Variants in SSH2 observed in about 807,000 individuals in gnomAD.
The protein encoded by SSH2 is protein phosphatase Slingshot homolog 2.
SSH2 carries 37 observed loss-of-function variants against 135.2 expected under a neutral mutation model. That is an observed-to-expected ratio of 0.27 (90% confidence interval 0.21 to 0.36). The LOEUF (loss-of-function observed/expected upper bound fraction) is 0.36, where lower values mean the gene tolerates loss of function less well. Ranked by LOEUF, SSH2 falls within the 10% of genes least tolerant of loss-of-function variation. The pLI, the probability that SSH2 is intolerant of heterozygous loss-of-function variation, is 1.00. For synonymous variants in SSH2, 628 were observed against 646.2 expected, an observed-to-expected ratio of 0.97 and a Z score of 0.43; for missense variants, 1,408 against 1,765.3, an observed-to-expected ratio of 0.80 and a Z score of 3.63.
intron 3 of SSH2, among the ~76,000 whole-genome samples, chr17:29,726,956 G>A (rs767620387): frequency 1.3e-5 from 2 of 152,026 alleles, no homozygotes; most frequent in East Asian, 1.9e-4. Context: ...TCTATCTACC[G>A]GCTGCCAGCC....
intron 14 of SSH2, among the ~76,000 whole-genome samples, chr17:29,637,381 A>G (rs2035955229): frequency 1.3e-5 from 2 of 152,146 alleles, no homozygotes; most frequent in East Asian, 3.8e-4. Flanking sequence ...TGAACTGTAG[A>G]TTTTAAAGAC....
intron 3 of SSH2, among the ~76,000 whole-genome samples, chr17:29,784,065 CAAAAAAAAAAA>C (rs71138857): frequency 0.012 from 96 of 8,232 alleles, no homozygotes; most frequent in Non-Finnish European, 0.02. Flanking sequence ...GACTCCGTCT[CAAAAAAAAAAA>C]AAAAAAAAAA....
chr17:29,812,267 G>GT (rs1567988926), intron 2 of SSH2, among the ~76,000 whole-genome samples: 1 of 149,168 alleles, frequency 6.7e-6, no homozygotes, highest in Non-Finnish European at 1.5e-5. Context: ...ACACAATTAT[G>GT]TTTTTTAAAA....
chr17:29,632,701 C>T lies in SSH2; in HGVS notation c.2493G>A (p.Glu831=). 6.2e-7 allele frequency: 1 copy of T among 1,614,168 alleles called. No individual in the cohort carries two copies. Among genetic ancestry groups the T allele is most frequent in the Non-Finnish European group, 8.5e-7 (1 of 1,180,038 alleles). The change falls in exon 16 of 16, where the codon GAG becomes GAA. Residue 831 remains glutamate, a synonymous_variant. Transcript: ENST00000540801. The part of the protein sequence containing the change: ...QTPENKPGHM[E]QDEDSCTAQP... ...GGGCTGTGCAGGAGTCCTCATCTTG[C>T]TCCATATGTCCAGGTTTGTTCTCTG...
chr17:29,648,041 TATC>T (rs1382431466), intron 14 of SSH2, 100 bp downstream of exon 14: 2 of 1,109,056 alleles, frequency 1.8e-6, no homozygotes, highest in African/African-American at 3.1e-5. Flanking sequence ...TTTGAAAAAA[TATC>T]ACATCCAAAT....
intron 11 of SSH2, among the ~76,000 whole-genome samples, chr17:29,660,643 A>T (rs1449871756): frequency 6.6e-6 from 1 of 151,944 alleles, no homozygotes; most frequent in African/African-American, 2.4e-5. Context: ...ATTTCCCTCA[A>T]ATTATACATG....
intron 1 of SSH2, among the ~76,000 whole-genome samples, chr17:29,871,178 C>A (rs1381232241): frequency 6.6e-6 from 1 of 151,820 alleles, no homozygotes; most frequent in Admixed American, 6.6e-5. Flanking sequence ...GGGGAGGCTG[C>A]AATTGTTTTT....
At chr17:29,825,238 T>C (rs533002608) in intron 2 of SSH2, among the ~76,000 whole-genome samples, 54 of 152,204 alleles carry the variant, frequency 3.5e-4, no homozygotes, top group Non-Finnish European at 5.1e-4. Flanking sequence ...AAGAGAAATG[T>C]TTATTTCCTT....
intron 3 of SSH2, among the ~76,000 whole-genome samples, chr17:29,751,660 T>C (rs779529912): frequency 6.6e-6 from 1 of 152,204 alleles, no homozygotes; most frequent in Non-Finnish European, 1.5e-5. Context: ...AGGTGATTTT[T>C]CATCCCCATT....
intron 5 of SSH2, among the ~76,000 whole-genome samples, chr17:29,685,001 A>C (rs2038154024): frequency 6.6e-6 from 1 of 152,228 alleles, no homozygotes; most frequent in Non-Finnish European, 1.5e-5. Flanking sequence ...ATTTATACTA[A>C]TTACCACAGT....
intron 5 of SSH2, among the ~76,000 whole-genome samples, chr17:29,687,596 A>G (rs1436406108): frequency 6.6e-6 from 1 of 152,146 alleles, no homozygotes; most frequent in Non-Finnish European, 1.5e-5. Flanking sequence ...GGCAGTACTG[A>G]CTCCTTCTCT....
chr17:29,700,024 C>T (rs1442535645), intron 4 of SSH2, among the ~76,000 whole-genome samples: 1 of 152,144 alleles, frequency 6.6e-6, no homozygotes, highest in African/African-American at 2.4e-5. Context: ...GCCACAGTTG[C>T]AACTAGGTGA....
intron 3 of SSH2, among the ~76,000 whole-genome samples, chr17:29,713,757 C>T (rs2039522636): frequency 6.6e-6 from 1 of 152,210 alleles, no homozygotes; most frequent in Non-Finnish European, 1.5e-5. Flanking sequence ...ACCAGACCTT[C>T]TCATGACACC....
In SSH2 at chr17:29,711,434, T is replaced by C. The variant is rs547133250; in HGVS notation, c.189-8372A>G. Among the ~76,000 whole-genome samples, 3 of 152,348 alleles carry C rather than the reference T, an allele frequency of 2.0e-5. No individual in the cohort carries two copies. The South Asian group carries it at 6.2e-4, about 32-fold the overall frequency. ...GAATGTTCACTTACTGATACGATCTTCTAATTCCATTTTTGCTTTAACCAT... is the reference window on the plus strand; with the variant it reads ...GAATGTTCACTTACTGATACGATCTCCTAATTCCATTTTTGCTTTAACCAT... On this transcript the variant is annotated intron_variant, in intron 3 of 15. Coordinates refer to ENST00000540801, the MANE Select transcript of SSH2 (RefSeq NM_001282129.2).
At chr17:29,650,045 A>G (rs926176365) in intron 13 of SSH2, among the ~76,000 whole-genome samples, 6 of 152,212 alleles carry the variant, frequency 3.9e-5, no homozygotes, top group South Asian at 2.1e-4. Context: ...CTCTCTAGTA[A>G]AGGAATAAAT....
At chr17:29,784,369 A>AC (rs2041914120) in intron 3 of SSH2, among the ~76,000 whole-genome samples, 1 of 141,580 alleles carries the variant, frequency 7.1e-6, no homozygotes, top group South Asian at 2.2e-4. Context: ...TGGGCGACAG[A>AC]CCAAGATTCC....
Position 29,632,134 on chromosome 17 carries a change from G to A in SSH2, c.3060C>T (p.Tyr1020=), listed in dbSNP as rs1471498319. ...GGACTGCTTGTGTTTCAGACTCCTG[G>A]TATGGAATCACAGTCCTCAGATCCT... The part of the protein sequence containing the change: ...VLKDLRTVIP[Y]QESETQAVPL... Residue 1020 remains tyrosine (Y), a synonymous_variant, in exon 16 of 16, where the codon TAC becomes TAT. Coordinates refer to ENST00000540801, the MANE Select transcript of SSH2 (RefSeq NM_001282129.2). 6.2e-7 allele frequency: 1 copy of A among 1,614,072 alleles called. No individual in the cohort carries two copies. The highest frequency in any genetic ancestry group is 2.2e-5 in the East Asian group (1 of 44,872).
chr17:29,863,093 G>C (rs886900555), intron 1 of SSH2, among the ~76,000 whole-genome samples: 1 of 151,794 alleles, frequency 6.6e-6, no homozygotes. Context: ...AAAGGACAAA[G>C]AATGTGCAAC....
Position 29,845,510 on chromosome 17 carries a change from G to A in SSH2, c.144+3339C>T, listed in dbSNP as rs984424799. Among the ~76,000 whole-genome samples the A allele has an allele frequency of 3.9e-5, 6 of 152,162 alleles. No homozygotes were observed. The South Asian group carries it at 1.2e-3, about 32-fold the overall frequency. On this transcript the variant is annotated intron_variant, in intron 2 of 15. Transcript: ENST00000540801. ...AACTTTTGCCTCTTGAGGAAAAGAC[G>A]ACAACAAATCTGACTTAAATGAATG... is the stretch of plus-strand genomic sequence containing the variant.
Sources: allele counts gnomAD v4.1 joint callset (sites outside exome capture counted in the v4.1 genomes callset), GRCh38; gene constraint gnomAD v4.1.1; transcripts MANE v1.5; gene names NCBI Gene and HGNC (gene_info 2026-07-23, HGNC 2026-07-21).